PTK7: variants seen among roughly 807,000 people sequenced by gnomAD.
PTK7 encodes the protein inactive tyrosine-protein kinase 7.
In PTK7, 39 loss-of-function variants were observed where a neutral mutation model predicts 116.6. That is an observed-to-expected ratio of 0.33 (90% confidence interval 0.26 to 0.44). The LOEUF (loss-of-function observed/expected upper bound fraction) is 0.44, where lower values mean the gene tolerates loss of function less well. Ranked by LOEUF, PTK7 falls within the 20% of genes least tolerant of loss-of-function variation. The pLI, the probability that PTK7 is intolerant of heterozygous loss-of-function variation, is 1.00. For synonymous variants in PTK7, 546 were observed against 563.6 expected (o/e 0.97, Z 0.44); for missense variants, 1,169 against 1,425.6 (o/e 0.82, Z 2.90).
Position 43,142,294 on chromosome 6 carries a change from T to A in PTK7, c.2042T>A (p.Val681Asp). 6.2e-7 allele frequency: 1 copy of A among 1,614,098 alleles called. No individual in the cohort carries two copies. Among genetic ancestry groups the A allele is most frequent in the Non-Finnish European group, 8.5e-7 (1 of 1,180,026 alleles). ...NIKHTEAPLY[V>D]VDKPVPEESE... ...AAGCACACGGAGGCCCCCCTCTATG[T>A]CGTGGGTATGGGCTGGGGAGGGTTA... The change falls in exon 13 of 20, where the codon GTC becomes GAC. Residue 681 changes from valine (V) to aspartate (D), a missense_variant. By Grantham distance (152) the Val-to-Asp change is radical. Around this residue, in one of 3 missense-constraint regions of PTK7, gnomAD observed 678 missense variants for 853.8 expected, o/e 0.79. Coordinates refer to ENST00000230419, the MANE Select transcript of PTK7 (RefSeq NM_002821.5).
At chr6:43,127,373 C>T (rs1018640070) in intron 1 of PTK7, among the ~76,000 whole-genome samples, 1 of 152,208 alleles carries the variant, frequency 6.6e-6, no homozygotes, top group South Asian at 2.1e-4. Context: ...TTGCTCCTGC[C>T]GCCGCCGTAA....
chr6:43,144,745 C>T (rs1770628070), intron 15 of PTK7, 139 bp downstream of exon 15: 2 of 1,060,592 alleles, frequency 1.9e-6, no homozygotes, highest in East Asian at 5.2e-5. Context: ...AGAGATCTAG[C>T]CCAGTGTGGC....
At position 43,144,491 on chromosome 6, in the gene PTK7, A is replaced by G. The variant is rs1770609817; in HGVS notation, c.2292A>G (p.Gln764=). 6.2e-7 allele frequency: 1 copy of G among 1,614,120 alleles called. No individual in the cohort carries two copies. Residue 764 remains glutamine, a synonymous_variant, in exon 15 of 20, where the codon CAA becomes CAG. Coordinates refer to ENST00000230419, the MANE Select transcript of PTK7 (RefSeq NM_002821.5). ...ACGGGCAGCCCTCAGCAGAGATCCAAGAAGAAGTGGCCTTGACCAGCTTGG... is the reference window on the plus strand; with the variant it reads ...ACGGGCAGCCCTCAGCAGAGATCCAGGAAGAAGTGGCCTTGACCAGCTTGG... ...LQNGQPSAEI[Q]EEVALTSLGS... is the part of the protein sequence containing the mutation.
At chr6:43,100,916 A>C (rs1329571228) in intron 1 of PTK7, among the ~76,000 whole-genome samples, 1 of 152,248 alleles carries the variant, frequency 6.6e-6, no homozygotes, top group South Asian at 2.1e-4. Flanking sequence ...CTGGATAGAC[A>C]GTAACTCTTA....
At chr6:43,158,693 TTGTGC>T in intron 17 of PTK7, 119 bp from the exon 18 acceptor site, 4 of 1,005,494 alleles carry the variant, frequency 4.0e-6, no homozygotes, top group Non-Finnish European at 5.8e-6. Context: ...GCTGAGGCTG[TTGTGC>T]TTCTGGGCTT....
chr6:43,130,556 T>C lies in PTK7; in HGVS notation c.707T>C (p.Val236Ala). 1 of 1,614,082 alleles carries C rather than the reference T, an allele frequency of 6.2e-7. No individual in the cohort carries two copies. Among genetic ancestry groups the C allele is most frequent in the East Asian group, 2.2e-5 (1 of 44,892 alleles). Residue 236 changes from valine (V) to alanine (A), a missense_variant, in exon 5 of 20, where the codon GTA becomes GCA. By Grantham distance (64) the Val-to-Ala change is moderately conservative. This residue lies in a region of PTK7 where 487 missense variants were observed against 549.8 expected (regional missense o/e 0.89). Coordinates refer to ENST00000230419, the MANE Select transcript of PTK7 (RefSeq NM_002821.5). ...RVVLAPQDVV[V>A]ARYEEAMFHC... The stretch of plus-strand genomic sequence containing the variant: ...GTGCTGGCACCCCAGGACGTGGTAG[T>C]AGCGAGGTATGAGGAGGCCATGTTC...
At chr6:43,078,322 G>C (rs1158823843) in intron 1 of PTK7, among the ~76,000 whole-genome samples, 2 of 152,112 alleles carry the variant, frequency 1.3e-5, no homozygotes, top group Admixed American at 6.6e-5. Flanking sequence ...GCTTAGGACA[G>C]GAGGTCTGTA....
intron 1 of PTK7, among the ~76,000 whole-genome samples, chr6:43,084,638 C>CT (rs1766557813): frequency 6.6e-6 from 1 of 152,136 alleles, no homozygotes; most frequent in South Asian, 2.1e-4. Context: ...GTGAAGCTGT[C>CT]TGAGGAGGCA....
Position 43,158,938 on chromosome 6 carries a change from C to T in PTK7, c.2843C>T (p.Ala948Val). ...VSAQRQVKVSALGLSKDVYNS... is the reference protein window; with the variant it reads ...VSAQRQVKVSVLGLSKDVYNS... ...GCCCAGAGACAAGTGAAGGTGTCTG[C>T]CCTGGGCCTCAGCAAGGATGTGTAC... The change falls in exon 18 of 20, where the codon GCC becomes GTC. Residue 948 changes from alanine (A) to valine (V), a missense_variant. Transcript: ENST00000230419. 1 of 1,614,160 alleles carries T rather than the reference C, an allele frequency of 6.2e-7. No homozygotes were observed. The highest frequency in any genetic ancestry group is 2.2e-5 in the East Asian group (1 of 44,882).
In PTK7 at chr6:43,161,395, G is replaced by A. The variant is rs1299453721; in HGVS notation, c.*514G>A. 1 of 156,040 alleles carries A rather than the reference G, an allele frequency of 6.4e-6. No homozygotes were observed. Among genetic ancestry groups the A allele is most frequent in the Non-Finnish European group, 1.4e-5 (1 of 70,182 alleles). 9.7% of individuals were successfully genotyped at this position (156,040 alleles called of 1,614,324 possible). A position where few individuals can be genotyped will look rare whatever the true frequency, so the allele number is the denominator to read the frequency against. ...AGCAAGTGAGTCCTCCCCACTCTGG[G>A]CTTGTGCACACTGACCCAGACCCAC... is the stretch of plus-strand genomic sequence containing the variant. On this transcript the variant is annotated 3_prime_UTR_variant, in exon 20 of 20. Coordinates refer to ENST00000230419, the MANE Select transcript of PTK7 (RefSeq NM_002821.5).
At chr6:43,101,225 A>G (rs111599997) in intron 1 of PTK7, among the ~76,000 whole-genome samples, 71 of 146,348 alleles carry the variant, frequency 4.9e-4, no homozygotes, top group Non-Finnish European at 9.1e-4. Flanking sequence ...CAAAAAAAAA[A>G]AAAGAAAGAA....
intron 7 of PTK7, among the ~76,000 whole-genome samples, chr6:43,138,168 C>T (rs933829027): frequency 7.6e-5 from 8 of 105,486 alleles, no homozygotes; most frequent in African/African-American, 3.9e-4. Context: ...GAATACATAC[C>T]TTGGGGGGTT....
At chr6:43,079,091 CAGA>C (rs983597447) in intron 1 of PTK7, among the ~76,000 whole-genome samples, 14 of 152,084 alleles carry the variant, frequency 9.2e-5, no homozygotes, top group African/African-American at 3.4e-4. Context: ...GAGTGGTGGA[CAGA>C]GCTCAAGCAA....
chr6:43,127,808 A>G (rs1769388677), intron 1 of PTK7, among the ~76,000 whole-genome samples: 1 of 152,178 alleles, frequency 6.6e-6, no homozygotes, highest in South Asian at 2.1e-4. Context: ...GGGCACCTGT[A>G]GTCCCAGCTA....
chr6:43,149,958 G>A (rs1304364395), intron 17 of PTK7, among the ~76,000 whole-genome samples: 1 of 152,170 alleles, frequency 6.6e-6, no homozygotes, highest in African/African-American at 2.4e-5. Flanking sequence ...GGTGTGAGTG[G>A]GCTGAGGGGA....
rs756253266 is a variant in PTK7 at position 43,111,962 on chromosome 6, G to A, written c.80-17015G>A. 5.7e-4 allele frequency among the ~76,000 whole-genome samples: 86 copies of A among 151,788 alleles called. 1 individual carries two copies. The highest frequency in any genetic ancestry group is 9.3e-4 in the Non-Finnish European group (63 of 67,984). ...CTCCCAAAGTGCTGGGATTACAGGC[G>A]TGAGCCACTGCACCTGGCCTATTAG... On this transcript the variant is annotated intron_variant, in intron 1 of 19. Coordinates refer to ENST00000230419, the MANE Select transcript of PTK7 (RefSeq NM_002821.5).
At position 43,143,085 on chromosome 6, in the gene PTK7, G is replaced by T. The variant is rs947772089; in HGVS notation, c.2048-332G>T. On this transcript the variant is annotated intron_variant, in intron 13 of 19. Transcript: ENST00000230419. This position sits in a 1 kb window ranked among gnomAD's most constrained non-coding sequence, Gnocchi z 4.2. The stretch of plus-strand genomic sequence containing the variant: ...TGAAGCTCCCAAATGCTGCTCTCCG[G>T]GGCCTGGCTCACATTATCAAGTCAC... 3 of 253,058 alleles carry T rather than the reference G, an allele frequency of 1.2e-5. No homozygotes were observed. The highest frequency in any genetic ancestry group is 5.0e-5 in the Admixed American group (1 of 19,918). 15.7% of individuals were successfully genotyped at this position (253,058 alleles called of 1,614,324 possible).
rs774225529 is a variant in PTK7, at chr6:43,132,077, C to T, written c.874C>T (p.Arg292Trp). 2.5e-5 allele frequency: 41 copies of T among 1,613,972 alleles called. No individual in the cohort carries two copies. The highest frequency in any genetic ancestry group is 8.3e-5 in the Admixed American group (5 of 60,010). Residue 292 changes from arginine (R) to tryptophan (W), a missense_variant, in exon 6 of 20, where the codon CGG (arginine) becomes TGG (tryptophan). Arg to Trp is a moderately radical substitution (Grantham distance 101). Transcript: ENST00000230419. ...ANGSLLLTQV[R>W]PRNAGIYRCI... is the part of the protein sequence containing the mutation. ...CGGGTCTCTGCTGCTGACCCAGGTC[C>T]GGCCACGCAATGCAGGGATCTACCG...
chr6:43,142,076 A>G lies in PTK7; in HGVS notation c.1914A>G (p.Gly638=). Residue 638 remains glycine (G), a synonymous_variant, in exon 12 of 20, where the codon GGA becomes GGG. Coordinates refer to ENST00000230419, the MANE Select transcript of PTK7 (RefSeq NM_002821.5). ...KDRILDPTKL[G]PRMHIFQNGS... is the part of the protein sequence containing the mutation. The stretch of plus-strand genomic sequence containing the variant: ...GCATCCTGGACCCCACCAAGCTGGG[A>G]CCCAGGTAGGGCCACCTCTCTCCCA... 1 of 1,613,110 alleles carries G rather than the reference A, an allele frequency of 6.2e-7. No individual in the cohort carries two copies. Among genetic ancestry groups the G allele is most frequent in the Non-Finnish European group, 8.5e-7 (1 of 1,179,664 alleles).
Sources: gnomAD v4.1 joint callset for allele counts (sites outside exome capture counted in the v4.1 genomes callset) on GRCh38, gnomAD v4.1.1 for gene constraint, gnomAD v4.1.1 regional missense constraint, Gnocchi (gnomAD v3.1) non-coding constraint, MANE v1.5 for transcripts, NCBI Gene and HGNC (gene_info 2026-07-23, HGNC 2026-07-21) for gene names.